GRIA2: variants seen among roughly 807,000 people sequenced by gnomAD.
GRIA2 encodes glutamate receptor 2.
Under a neutral mutation model 97.3 loss-of-function variants are expected in GRIA2, and 14 were observed. The ratio of observed to expected loss-of-function variants is 0.14; its 90% CI spans 0.10 to 0.23. The LOEUF (loss-of-function observed/expected upper bound fraction) is 0.23. GRIA2 is among the 10% of genes least tolerant of loss of function. The pLI, the probability that GRIA2 is intolerant of heterozygous loss-of-function variation, is 1.00. For missense variants in GRIA2, 558 were observed against 1,069.8 expected (o/e 0.52, Z 6.67); for synonymous variants, 412 against 387.8 (o/e 1.06, Z -0.73).
chr4:157,241,808 G>A (rs538544695), intron 2 of GRIA2, among the ~76,000 whole-genome samples: 3 of 151,906 alleles, frequency 2.0e-5, no homozygotes, highest in Non-Finnish European at 4.4e-5. Context: ...AAACCATAGA[G>A]CATCATTGGA....
At chr4:157,227,440 A>T (rs1434784872) in intron 2 of GRIA2, among the ~76,000 whole-genome samples, 1 of 152,204 alleles carries the variant, frequency 6.6e-6, no homozygotes, top group Admixed American at 6.5e-5. Flanking sequence ...TCAAGTTTTC[A>T]GAGAGTATGT....
intron 2 of GRIA2, among the ~76,000 whole-genome samples, chr4:157,248,802 AT>A (rs1224836578): frequency 1.4e-5 from 2 of 141,326 alleles, no homozygotes; most frequent in Non-Finnish European, 3.1e-5. Context: ...ATATATATAT[AT>A]ATATATATAT....
chr4:157,338,333 A>C (rs1455910907), intron 11 of GRIA2, among the ~76,000 whole-genome samples: 1 of 151,862 alleles, frequency 6.6e-6, no homozygotes, highest in East Asian at 2.0e-4. Context: ...GGAGAAGTGT[A>C]TGTGGGTTCA....
At chr4:157,323,342 A>G (rs1209893525) in intron 6 of GRIA2, among the ~76,000 whole-genome samples, 151 of 144,144 alleles carry the variant, frequency 1.0e-3, no homozygotes, top group African/African-American at 3.8e-3. Context: ...GTCTCAAAAA[A>G]AAAAAAAAAA....
At chr4:157,326,273 G>A (rs753636771) in intron 6 of GRIA2, among the ~76,000 whole-genome samples, 1 of 152,120 alleles carries the variant, frequency 6.6e-6, no homozygotes, top group African/African-American at 2.4e-5. Flanking sequence ...ATTTAAAACT[G>A]CAATCTTGCC....
chr4:157,276,440 A>C (rs1732316791), intron 2 of GRIA2, among the ~76,000 whole-genome samples: 1 of 152,024 alleles, frequency 6.6e-6, no homozygotes, highest in South Asian at 2.1e-4. Flanking sequence ...GAAAAAAGTA[A>C]AATCAATACT....
At chr4:157,319,492 G>A (rs1335078037) in intron 5 of GRIA2, among the ~76,000 whole-genome samples, 2 of 152,162 alleles carry the variant, frequency 1.3e-5, no homozygotes, top group Non-Finnish European at 2.9e-5. Context: ...CTGAATTCAA[G>A]TCTTGTTTTT....
chr4:157,248,625 G>GTATATATATACACCTGTATATATATACA (rs1561009512), intron 2 of GRIA2, among the ~76,000 whole-genome samples: 3 of 16,306 alleles, frequency 1.8e-4, no homozygotes, highest in East Asian at 1.4e-3. Context: ...GTATATATAC[G>GTATATATATACACCTGTATATATATACA]TATATATATA....
intron 12 of GRIA2, among the ~76,000 whole-genome samples, chr4:157,350,936 T>C (rs1299816378): frequency 2.0e-5 from 3 of 150,390 alleles, no homozygotes; most frequent in Middle Eastern, 3.4e-3. Flanking sequence ...TTTTTCTTTT[T>C]TTTTTTTTTT....
intron 3 of GRIA2, among the ~76,000 whole-genome samples, chr4:157,306,516 A>C (rs1319519032): frequency 6.6e-6 from 1 of 152,190 alleles, no homozygotes; most frequent in Admixed American, 6.5e-5. Context: ...TTAAGTAATA[A>C]TATATTAAAG....
intron 2 of GRIA2, among the ~76,000 whole-genome samples, chr4:157,297,778 CT>C (rs1323198078): frequency 1.4e-5 from 2 of 144,132 alleles, no homozygotes; most frequent in African/African-American, 2.7e-5. Flanking sequence ...TTATGTATTT[CT>C]TTTTTCTTTT....
At chr4:157,303,185 A>G (rs937809725) in intron 2 of GRIA2, among the ~76,000 whole-genome samples, 1 of 152,168 alleles carries the variant, frequency 6.6e-6, no homozygotes, top group African/African-American at 2.4e-5. Flanking sequence ...TTATGTAGGG[A>G]ATGAGCTGTC....
rs113100026 is a variant in GRIA2, at chr4:157,312,542, C to T, written c.470-137C>T. 220 of 511,010 alleles carry T rather than the reference C, an allele frequency of 4.3e-4. 3 individuals carry two copies. Among genetic ancestry groups the T allele is most frequent in the South Asian group, 2.0e-3 (54 of 27,552 alleles). 31.7% of individuals were successfully genotyped at this position (511,010 alleles called of 1,614,324 possible). A position where few individuals can be genotyped will look rare whatever the true frequency, so the allele number is the denominator to read the frequency against. On this transcript the variant is annotated intron_variant, in intron 3 of 15. Transcript: ENST00000264426. ...AAGGTGATAAAGATCATAGCTATAG[C>T]TTTTTTTGAAGGAGTCAACATTCCT...
At position 157,333,938 on chromosome 4, in the gene GRIA2, T is replaced by G; in HGVS notation, c.1156-72T>G. ...CTAATTTCAGATTCAGACATGGCTTTGAAAATAATTAAATGCTTTGCTAAT... is the reference window on the plus strand; with the variant it reads ...CTAATTTCAGATTCAGACATGGCTTGGAAAATAATTAAATGCTTTGCTAAT... On this transcript the variant is annotated intron_variant, in intron 8 of 15. Transcript: ENST00000264426. 3 of 760,946 alleles carry G rather than the reference T, an allele frequency of 3.9e-6. No individual in the cohort carries two copies. In the South Asian group the frequency reaches 4.5e-5, roughly 11 times the overall value. 47.1% of individuals were successfully genotyped at this position (760,946 alleles called of 1,614,324 possible).
At chr4:157,338,010 A>G (rs199759388) in intron 11 of GRIA2, among the ~76,000 whole-genome samples, 1,595 of 20,566 alleles carry the variant, frequency 0.078, 24 homozygotes, top group East Asian at 0.32. Context: ...ATATATGTGT[A>G]TATATATATA....
chr4:157,286,736 A>G (rs1232460833), intron 2 of GRIA2, among the ~76,000 whole-genome samples: 2 of 151,522 alleles, frequency 1.3e-5, no homozygotes, highest in African/African-American at 4.8e-5. Context: ...CAGGAAACAA[A>G]TCAATACGAT....
intron 2 of GRIA2, among the ~76,000 whole-genome samples, chr4:157,257,826 AG>A (rs1731346893): frequency 6.6e-6 from 1 of 152,126 alleles, no homozygotes. Flanking sequence ...GCGGGAAGTC[AG>A]GGACCCTGAA....
At chr4:157,245,132 A>C (rs2126725961) in intron 2 of GRIA2, among the ~76,000 whole-genome samples, 1 of 152,224 alleles carries the variant, frequency 6.6e-6, no homozygotes, top group African/African-American at 2.4e-5. Flanking sequence ...TTTCAAACAT[A>C]GGATGGTAGC....
At chr4:157,246,104 A>G (rs1456670963) in intron 2 of GRIA2, among the ~76,000 whole-genome samples, 1 of 152,130 alleles carries the variant, frequency 6.6e-6, no homozygotes, top group African/African-American at 2.4e-5. Flanking sequence ...ATCTCACTTC[A>G]TAGTGAATAC....
Sources: allele counts gnomAD v4.1 joint callset (sites outside exome capture counted in the v4.1 genomes callset), GRCh38; gene constraint gnomAD v4.1.1; transcripts MANE v1.5; gene names NCBI Gene and HGNC (gene_info 2026-07-23, HGNC 2026-07-21).